The following UNC13C variants were observed in gnomAD, a reference collection of about 807,000 sequenced individuals.
The protein encoded by UNC13C is unc-13 homolog C, also known as protein unc-13 homolog C.
A neutral mutation model predicts 245.4 loss-of-function variants in UNC13C; 174 were observed. The observed-to-expected ratio is 0.71, with a 90% CI of 0.63 to 0.80. The LOEUF (loss-of-function observed/expected upper bound fraction) is 0.80. UNC13C is among the 30% of genes least tolerant of loss of function. UNC13C has a pLI of 0.00. For synonymous variants in UNC13C, 992 were observed against 895.1 expected, an observed-to-expected ratio of 1.11 and a Z score of -1.93; for missense variants, 2,829 against 2,602.9, an observed-to-expected ratio of 1.09 and a Z score of -1.89.
chr15:54,123,814 C>T (rs150081527), intron 2 of UNC13C, among the ~76,000 whole-genome samples: 1 of 152,276 alleles, frequency 6.6e-6, no homozygotes, highest in African/African-American at 2.4e-5. Flanking sequence ...CCACAAAGCT[C>T]TCTCCCTGGT....
intron 19 of UNC13C, among the ~76,000 whole-genome samples, chr15:54,423,856 A>G (rs942232338): frequency 3.3e-5 from 5 of 151,872 alleles, no homozygotes; most frequent in African/African-American, 9.7e-5. Flanking sequence ...CTGGGAAGAG[A>G]TAGGAGGAAA....
intron 8 of UNC13C, among the ~76,000 whole-genome samples, chr15:54,252,901 A>G (rs2036188962): frequency 6.6e-6 from 1 of 152,230 alleles, no homozygotes; most frequent in African/African-American, 2.4e-5. Context: ...TAGTTCATAA[A>G]TTAAAATTTA....
chr15:54,252,655 CA>C, intron 8 of UNC13C, among the ~76,000 whole-genome samples: 1 of 151,820 alleles, frequency 6.6e-6, no homozygotes, highest in East Asian at 1.9e-4. Context: ...TGTTTTAAGC[CA>C]AAAAAATGGC....
chr15:53,915,973 G>A, the UNC13C span, among the ~76,000 whole-genome samples: 2 of 152,028 alleles, frequency 1.3e-5, no homozygotes, highest in African/African-American at 4.8e-5. Flanking sequence ...ATTACTTAGG[G>A]TTCTTTTGTA....
the UNC13C span, among the ~76,000 whole-genome samples, chr15:53,967,783 T>C: frequency 2.6e-5 from 4 of 152,154 alleles, no homozygotes; most frequent in African/African-American, 4.8e-5. Context: ...TAACTAGAGT[T>C]GGCACAAGCC....
At chr15:54,177,315 C>T (rs1595953120) in intron 4 of UNC13C, among the ~76,000 whole-genome samples, 1 of 152,048 alleles carries the variant, frequency 6.6e-6, no homozygotes, top group Non-Finnish European at 1.5e-5. Flanking sequence ...TGCATTGATT[C>T]GTTGGGTTCT....
intron 4 of UNC13C, among the ~76,000 whole-genome samples, chr15:54,223,699 A>G (rs939148442): frequency 6.6e-6 from 1 of 152,038 alleles, no homozygotes; most frequent in Non-Finnish European, 1.5e-5. Flanking sequence ...TAGGGATTGT[A>G]TTAAATCTGT....
chr15:54,095,793 A>G (rs1899829084), intron 2 of UNC13C, among the ~76,000 whole-genome samples: 1 of 152,232 alleles, frequency 6.6e-6, no homozygotes, highest in East Asian at 1.9e-4. Context: ...ATTAGGTTCA[A>G]GACATATTCA....
intron 2 of UNC13C, among the ~76,000 whole-genome samples, chr15:54,082,707 T>C (rs1209954896): frequency 2.0e-5 from 3 of 152,298 alleles, no homozygotes; most frequent in Middle Eastern, 3.4e-3. Flanking sequence ...CGTCGCTTCT[T>C]ATTTTTGAGT....
At chr15:54,507,893 T>A (rs571410804) in intron 23 of UNC13C, among the ~76,000 whole-genome samples, 41 of 151,966 alleles carry the variant, frequency 2.7e-4, no homozygotes, top group African/African-American at 8.9e-4. Flanking sequence ...GGGTTTTTTT[T>A]TAAAAAAAAG....
At chr15:53,877,292 T>A in the UNC13C span, among the ~76,000 whole-genome samples, 3 of 152,280 alleles carry the variant, frequency 2.0e-5, no homozygotes, top group South Asian at 6.2e-4. Context: ...CTCCTTTGCC[T>A]TGCCCTCTCC....
rs540109950 is a variant in UNC13C at position 54,563,776 on chromosome 15, C to A, written c.5959-4024C>A. Among the ~76,000 whole-genome samples, 3 of 152,068 alleles carry A rather than the reference C, an allele frequency of 2.0e-5. No individual in the cohort carries two copies. The South Asian group carries it at 6.2e-4, about 31-fold the overall frequency. ...TTAAGATATTTACTTCCATACATCA[C>A]CCTCACATTTATATCCTTCAAACCC... On this transcript the variant is annotated intron_variant, in intron 29 of 32. Coordinates refer to ENST00000260323, the MANE Select transcript of UNC13C (RefSeq NM_001080534.3).
chr15:53,939,246 G>A, the UNC13C span, among the ~76,000 whole-genome samples: 1 of 152,012 alleles, frequency 6.6e-6, no homozygotes, highest in African/African-American at 2.4e-5. Flanking sequence ...AGAATAAATG[G>A]ATAAATTCCT....
chr15:54,263,387 A>G lies in UNC13C; in HGVS notation c.3449-781A>G, dbSNP rs187875271. Among the ~76,000 whole-genome samples, 250 of 152,280 alleles carry G rather than the reference A, an allele frequency of 1.6e-3. 1 individual carries two copies. The highest frequency in any genetic ancestry group is 2.4e-3 in the Non-Finnish European group (166 of 67,982). On this transcript the variant is annotated intron_variant, in intron 8 of 32. Transcript: ENST00000260323. ...GCAACCCAGAAGGCCATACAGAACA[A>G]TAAGACTATCTAGCCAGTAGCTTAA...
intron 2 of UNC13C, among the ~76,000 whole-genome samples, chr15:54,046,347 C>T (rs1189729357): frequency 6.6e-6 from 1 of 152,038 alleles, no homozygotes; most frequent in African/African-American, 2.4e-5. Flanking sequence ...TTCTGGATTG[C>T]CATTAGTAAT....
At chr15:53,855,972 G>A in the UNC13C span, among the ~76,000 whole-genome samples, 1 of 152,072 alleles carries the variant, frequency 6.6e-6, no homozygotes, top group African/African-American at 2.4e-5. Flanking sequence ...TTCAGAACTT[G>A]TTATTGGTCC....
At chr15:54,077,096 G>T (rs11856854) in intron 2 of UNC13C, among the ~76,000 whole-genome samples, 1 of 151,830 alleles carries the variant, frequency 6.6e-6, no homozygotes, top group African/African-American at 2.4e-5. Context: ...AAGTCCAGGG[G>T]CCTGTTATAG....
intron 4 of UNC13C, among the ~76,000 whole-genome samples, chr15:54,231,523 T>C (rs1185455064): frequency 1.3e-5 from 2 of 151,926 alleles, no homozygotes; most frequent in Non-Finnish European, 2.9e-5. Context: ...ATTTATAAAA[T>C]GAGAGAAATA....
At chr15:54,544,246 C>T (rs898910458) in intron 26 of UNC13C, among the ~76,000 whole-genome samples, 4 of 152,028 alleles carry the variant, frequency 2.6e-5, no homozygotes, top group African/African-American at 9.7e-5. Context: ...ATTCAACAGC[C>T]CTTGATGCTA....
Sources: allele counts gnomAD v4.1 joint callset (sites outside exome capture counted in the v4.1 genomes callset), GRCh38; gene constraint gnomAD v4.1.1; transcripts MANE v1.5; gene names NCBI Gene and HGNC (gene_info 2026-07-23, HGNC 2026-07-21).